Variants in CNTNAP2 observed in about 807,000 individuals in gnomAD.
CNTNAP2 encodes contactin-associated protein-like 2.
A neutral mutation model predicts 155.2 loss-of-function variants in CNTNAP2; 98 were observed. The ratio of observed to expected loss-of-function variants is 0.63; its 90% CI spans 0.54 to 0.75. CNTNAP2 has a LOEUF of 0.75. Ranked by LOEUF, CNTNAP2 falls within the 30% of genes least tolerant of loss-of-function variation. The pLI is 0.00. For synonymous variants in CNTNAP2, 651 were observed against 631.2 expected, an observed-to-expected ratio of 1.03 and a Z score of -0.47; for missense variants, 1,727 against 1,688.1, an observed-to-expected ratio of 1.02 and a Z score of -0.40.
At chr7:147,841,698 T>C (rs1374419543) in intron 13 of CNTNAP2, among the ~76,000 whole-genome samples, 1 of 152,202 alleles carries the variant, frequency 6.6e-6, no homozygotes, top group Non-Finnish European at 1.5e-5. Flanking sequence ...CAAGTGGGAA[T>C]AATTCAAATT....
intron 4 of CNTNAP2, among the ~76,000 whole-genome samples, chr7:147,064,610 A>G (rs1460098765): frequency 6.6e-6 from 1 of 152,042 alleles, no homozygotes; most frequent in Non-Finnish European, 1.5e-5. Flanking sequence ...TTTCTTTCCC[A>G]TCTCCAGTCA....
chr7:146,425,426 G>A (rs1012036642), intron 1 of CNTNAP2, among the ~76,000 whole-genome samples: 2 of 152,076 alleles, frequency 1.3e-5, no homozygotes, highest in East Asian at 3.8e-4. Flanking sequence ...ACAAAGAATT[G>A]GCAAGCAGCC....
chr7:147,866,785 G>A (rs1799237983), intron 13 of CNTNAP2, among the ~76,000 whole-genome samples: 2 of 147,000 alleles, frequency 1.4e-5, no homozygotes, highest in Non-Finnish European at 3.0e-5. Flanking sequence ...TTGTTGTTTT[G>A]CTTTCCATTT....
intron 1 of CNTNAP2, among the ~76,000 whole-genome samples, chr7:146,683,041 T>C (rs1800532430): frequency 1.3e-5 from 2 of 148,514 alleles, no homozygotes; most frequent in Admixed American, 1.3e-4. Flanking sequence ...TAAAGTCTTT[T>C]TCTTTTTTTT....
intron 9 of CNTNAP2, among the ~76,000 whole-genome samples, chr7:147,364,119 ATAAT>A (rs770367225): frequency 1.3e-5 from 2 of 152,198 alleles, no homozygotes; most frequent in Non-Finnish European, 2.9e-5. Flanking sequence ...CTCTCATCAA[ATAAT>A]CATGTTGAGA....
At chr7:147,564,631 A>G (rs1800131689) in intron 12 of CNTNAP2, among the ~76,000 whole-genome samples, 1 of 152,200 alleles carries the variant, frequency 6.6e-6, no homozygotes, top group Admixed American at 6.5e-5. Context: ...ACAAAACTAT[A>G]ATATACATAA....
chr7:148,413,221 G>A (rs557253548), intron 23 of CNTNAP2, among the ~76,000 whole-genome samples: 1 of 150,382 alleles, frequency 6.6e-6, no homozygotes, highest in Non-Finnish European at 1.5e-5. Flanking sequence ...GTGAAACCCC[G>A]TCTCTACTAA....
Position 147,562,234 on chromosome 7 carries a change from T to C in CNTNAP2, c.1874T>C (p.Leu625Pro). ...GATGGCAGCGGACCTCTGGGGCCTC[T>C]GAAAGTTTACTGCAACATGACAGGT... Reference protein sequence around the residue: ...DPDGSGPLGPLKVYCNMTEDK... With the variant: ...DPDGSGPLGPPKVYCNMTEDK... Residue 625 changes from leucine (L) to proline (P), a missense_variant, in exon 12 of 24, where the codon CTG becomes CCG. Leu to Pro is a moderately conservative substitution (Grantham distance 98, BLOSUM62 -3). Transcript: ENST00000361727. 1 of 1,614,024 alleles carries C rather than the reference T, an allele frequency of 6.2e-7. No homozygotes were observed. The highest frequency in any genetic ancestry group is 8.5e-7 in the Non-Finnish European group (1 of 1,179,908).
intron 1 of CNTNAP2, among the ~76,000 whole-genome samples, chr7:146,680,390 T>G (rs899002927): frequency 2.0e-5 from 3 of 152,282 alleles, no homozygotes; most frequent in African/African-American, 7.2e-5. Flanking sequence ...TATCTGTCAG[T>G]TTTTACACCT....
At chr7:147,364,859 A>T (rs1480824412) in intron 9 of CNTNAP2, among the ~76,000 whole-genome samples, 7 of 152,072 alleles carry the variant, frequency 4.6e-5, no homozygotes, top group Admixed American at 3.9e-4. Flanking sequence ...GGGAAAAAAA[A>T]AAAAAATTCC....
In CNTNAP2 at chr7:146,584,883, G is replaced by T. The variant is rs146683494; in HGVS notation, c.98-189388G>T. Among the ~76,000 whole-genome samples, 709 of 152,238 alleles carry T rather than the reference G, an allele frequency of 4.7e-3. 4 individuals are homozygous for T. Among genetic ancestry groups the T allele is most frequent in the Admixed American group, 9.4e-3 (143 of 15,284 alleles). On this transcript the variant is annotated intron_variant, in intron 1 of 23. Transcript: ENST00000361727. ...TCTTATGTATCACTGTATGAAGAAG[G>T]GAATGATACTCAAAAATATTAGAGT...
At chr7:147,278,529 G>A (rs1804954594) in intron 8 of CNTNAP2, among the ~76,000 whole-genome samples, 1 of 151,614 alleles carries the variant, frequency 6.6e-6, no homozygotes, top group Non-Finnish European at 1.5e-5. Flanking sequence ...CCTTAAAGAT[G>A]TAAAAGAAAA....
chr7:146,596,595 C>CAGACAGAGAGAGAGAGAGAG (rs71165017), intron 1 of CNTNAP2, among the ~76,000 whole-genome samples: 3 of 104,978 alleles, frequency 2.9e-5, no homozygotes, highest in East Asian at 2.7e-4. Flanking sequence ...AGAAGGGAGA[C>CAGACAGAGAGAGAGAGAGAG]AGAGAGAGAG....
At chr7:147,165,512 T>A (rs1225078991) in intron 8 of CNTNAP2, among the ~76,000 whole-genome samples, 1 of 152,162 alleles carries the variant, frequency 6.6e-6, no homozygotes, top group Non-Finnish European at 1.5e-5. Context: ...TATTTATCTT[T>A]GTTTCTGTTG....
chr7:147,374,789 A>G (rs569780488), intron 9 of CNTNAP2, among the ~76,000 whole-genome samples: 1 of 151,980 alleles, frequency 6.6e-6, no homozygotes, highest in South Asian at 2.1e-4. Context: ...GCCTTAAAAT[A>G]TTTTTGTCAC....
intron 10 of CNTNAP2, among the ~76,000 whole-genome samples, chr7:147,407,199 T>C (rs1797019178): frequency 1.3e-5 from 2 of 152,162 alleles, no homozygotes; most frequent in Admixed American, 1.3e-4. Context: ...CCGGGTGCAG[T>C]GGCTCACGCC....
At chr7:148,064,483 C>T (rs1211302704) in intron 15 of CNTNAP2, among the ~76,000 whole-genome samples, 1 of 151,738 alleles carries the variant, frequency 6.6e-6, no homozygotes, top group African/African-American at 2.4e-5. Context: ...AAACTGTTGC[C>T]GTTCACTAAG....
chr7:147,489,331 G>T (rs1447318060), intron 11 of CNTNAP2, among the ~76,000 whole-genome samples: 1 of 152,160 alleles, frequency 6.6e-6, no homozygotes, highest in Admixed American at 6.5e-5. Flanking sequence ...CAAAGCCAAA[G>T]ATCACAGAAG....
At chr7:146,585,203 C>T (rs1193807029) in intron 1 of CNTNAP2, among the ~76,000 whole-genome samples, 1 of 152,076 alleles carries the variant, frequency 6.6e-6, no homozygotes, top group Admixed American at 6.5e-5. Flanking sequence ...CTCACTGCAA[C>T]CTCTGACTCC....
Sources: allele counts gnomAD v4.1 joint callset (sites outside exome capture counted in the v4.1 genomes callset), GRCh38; gene constraint gnomAD v4.1.1; transcripts MANE v1.5; gene names NCBI Gene and HGNC (gene_info 2026-07-23, HGNC 2026-07-21).